GALNTL6: variants seen among roughly 807,000 people sequenced by gnomAD.
GALNTL6 encodes the protein polypeptide N-acetylgalactosaminyltransferase-like 6.
Under a neutral mutation model 73.7 loss-of-function variants are expected in GALNTL6, and 46 were observed. The ratio of observed to expected loss-of-function variants is 0.62; its 90% CI spans 0.49 to 0.80. The LOEUF (loss-of-function observed/expected upper bound fraction) is 0.80. Ranked by LOEUF, GALNTL6 falls within the 30% of genes least tolerant of loss-of-function variation. GALNTL6 has a pLI of 0.00. For missense variants in GALNTL6, 604 were observed against 755.0 expected (o/e 0.80, Z 2.34); for synonymous variants, 259 against 263.7 (o/e 0.98, Z 0.17).
chr4:171,855,176 A>G (rs1036697930), intron 2 of GALNTL6, among the ~76,000 whole-genome samples: 1 of 151,944 alleles, frequency 6.6e-6, no homozygotes. Flanking sequence ...TGTAGAATCT[A>G]TGGGTTTTGG....
At chr4:172,506,748 C>A (rs1234843362) in intron 5 of GALNTL6, among the ~76,000 whole-genome samples, 1 of 54,536 alleles carries the variant, frequency 1.8e-5, no homozygotes, top group African/African-American at 4.6e-5. Flanking sequence ...TAAAAAAAAT[C>A]TTACTATGCA....
intron 5 of GALNTL6, among the ~76,000 whole-genome samples, chr4:172,769,362 T>C (rs1468712702): frequency 1.3e-5 from 2 of 152,052 alleles, no homozygotes; most frequent in Middle Eastern, 3.2e-3. Context: ...AAGAAGAATT[T>C]TGAAAGAAGA....
At chr4:171,934,545 C>T (rs542965742) in intron 2 of GALNTL6, among the ~76,000 whole-genome samples, 141 of 152,208 alleles carry the variant, frequency 9.3e-4, no homozygotes, top group Non-Finnish European at 1.6e-3. Context: ...TCCCAAGTAC[C>T]TGGGACTACA....
chr4:172,438,611 T>C (rs950091074), intron 5 of GALNTL6, among the ~76,000 whole-genome samples: 1 of 152,096 alleles, frequency 6.6e-6, no homozygotes, highest in South Asian at 2.1e-4. Context: ...TTGTTAAATC[T>C]TACTTTTTGC....
At chr4:172,346,278 C>T (rs1488577204) in intron 4 of GALNTL6, among the ~76,000 whole-genome samples, 2 of 152,220 alleles carry the variant, frequency 1.3e-5, no homozygotes, top group Non-Finnish European at 2.9e-5. Flanking sequence ...AACTGGATGT[C>T]GTTTTGACGT....
At chr4:172,726,320 A>ACCCC (rs1368332125) in intron 5 of GALNTL6, among the ~76,000 whole-genome samples, 1 of 152,140 alleles carries the variant, frequency 6.6e-6, no homozygotes, top group Non-Finnish European at 1.5e-5. Context: ...ACTTCTGCCG[A>ACCCC]CCCCCGAGTA....
chr4:172,612,347 A>G (rs2111051667), intron 5 of GALNTL6, among the ~76,000 whole-genome samples: 1 of 152,256 alleles, frequency 6.6e-6, no homozygotes, highest in South Asian at 2.1e-4. Context: ...CTAGGAAAAG[A>G]TGGATTTATG....
In GALNTL6 at chr4:172,698,043, T is replaced by C. The variant is rs1373000285; in HGVS notation, c.554-111318T>C. 2.0e-5 allele frequency among the ~76,000 whole-genome samples: 3 copies of C among 152,144 alleles called. No homozygotes were observed. The East Asian group carries it at 5.8e-4, about 29-fold the overall frequency. On this transcript the variant is annotated intron_variant, in intron 5 of 12. Transcript: ENST00000506823. ...TCAGCTGTTCAATCCTATGTGACAA[T>C]AGAAACTCTCTAGTACATTTGAGGC... is the stretch of plus-strand genomic sequence containing the variant.
At chr4:173,011,592 T>A (rs1752557305) in intron 11 of GALNTL6, among the ~76,000 whole-genome samples, 1 of 152,182 alleles carries the variant, frequency 6.6e-6, no homozygotes, top group Admixed American at 6.5e-5. Context: ...GGCTTCTGCA[T>A]GTGGATATCC....
chr4:172,155,372 G>C (rs1734223209), intron 2 of GALNTL6, among the ~76,000 whole-genome samples: 1 of 152,168 alleles, frequency 6.6e-6, no homozygotes, highest in African/African-American at 2.4e-5. Context: ...GAGAAGGTGA[G>C]GTCCGTGAAC....
At chr4:172,297,941 G>A (rs548832029) in intron 3 of GALNTL6, among the ~76,000 whole-genome samples, 21 of 152,294 alleles carry the variant, frequency 1.4e-4, no homozygotes, top group Non-Finnish European at 2.5e-4. Flanking sequence ...ATTACCTTGG[G>A]CAGTATGGCC....
At chr4:172,024,910 C>T (rs1741510787) in intron 2 of GALNTL6, among the ~76,000 whole-genome samples, 1 of 131,234 alleles carries the variant, frequency 7.6e-6, no homozygotes, top group African/African-American at 2.8e-5. Context: ...GTTGGAGTTT[C>T]TTCCCTTCCT....
At chr4:172,840,197 G>T (rs932356100) in intron 7 of GALNTL6, among the ~76,000 whole-genome samples, 1 of 152,212 alleles carries the variant, frequency 6.6e-6, no homozygotes, top group Non-Finnish European at 1.5e-5. Context: ...GGTTAATGAT[G>T]TATTTTATCT....
At chr4:172,666,997 C>T (rs1019368481) in intron 5 of GALNTL6, 8 of 152,196 alleles carry the variant, frequency 5.3e-5, no homozygotes, top group African/African-American at 1.9e-4. Context: ...AGTGCCACCT[C>T]ACTTCATTTC....
chr4:172,151,948 A>G (rs1448170315), intron 2 of GALNTL6, among the ~76,000 whole-genome samples: 1 of 34,926 alleles, frequency 2.9e-5, no homozygotes, highest in East Asian at 7.3e-4. Context: ...ATATCTATCT[A>G]TCTATCTATC....
intron 5 of GALNTL6, among the ~76,000 whole-genome samples, chr4:172,567,257 G>T (rs1736588032): frequency 1.3e-5 from 2 of 151,840 alleles, no homozygotes; most frequent in African/African-American, 2.4e-5. Flanking sequence ...CATTGTGAGA[G>T]GCATGCAAAT....
intron 5 of GALNTL6, among the ~76,000 whole-genome samples, chr4:172,684,124 A>G (rs1377785757): frequency 6.6e-6 from 1 of 152,228 alleles, no homozygotes; most frequent in Non-Finnish European, 1.5e-5. Context: ...AGCTATCTCA[A>G]TGGCTTAACA....
At chr4:171,914,266 A>G (rs770010845) in intron 2 of GALNTL6, among the ~76,000 whole-genome samples, 159 of 152,174 alleles carry the variant, frequency 1.0e-3, no homozygotes, top group Non-Finnish European at 9.7e-4. Context: ...TGAAATATCT[A>G]CTTAAAAAGA....
chr4:172,666,822 T>A (rs1226378238), intron 5 of GALNTL6: 1 of 152,176 alleles, frequency 6.6e-6, no homozygotes, highest in Non-Finnish European at 1.5e-5. Context: ...CTCCAAAGTT[T>A]GAGAAGCACT....
Sources: allele counts gnomAD v4.1 joint callset (sites outside exome capture counted in the v4.1 genomes callset), GRCh38; gene constraint gnomAD v4.1.1; transcripts MANE v1.5; gene names NCBI Gene and HGNC (gene_info 2026-07-23, HGNC 2026-07-21).